HSPA12A: variants seen among roughly 807,000 people sequenced by gnomAD.
HSPA12A encodes heat shock 70 kDa protein 12A.
A neutral mutation model predicts 69.2 loss-of-function variants in HSPA12A; 28 were observed. The observed-to-expected ratio is 0.40, with a 90% CI of 0.30 to 0.55. HSPA12A has a LOEUF of 0.55. Among genes scored for constraint, HSPA12A ranks in the 20% least tolerant of loss-of-function variants. HSPA12A has a pLI of 0.38. For missense variants in HSPA12A, 686 were observed against 900.7 expected (o/e 0.76, Z 3.05); for synonymous variants, 345 against 370.5 (o/e 0.93, Z 0.79).
intron 2 of HSPA12A, among the ~76,000 whole-genome samples, chr10:116,792,341 G>A (rs1006189008): frequency 5.3e-5 from 8 of 151,202 alleles, no homozygotes; most frequent in East Asian, 1.9e-4. Flanking sequence ...CAAAGAGTTC[G>A]GAGTGAGAGG....
chr10:116,801,867 G>A (rs1351486658), intron 2 of HSPA12A, among the ~76,000 whole-genome samples: 2 of 152,118 alleles, frequency 1.3e-5, no homozygotes, highest in African/African-American at 2.4e-5. Flanking sequence ...CCATCTCTGG[G>A]GGACGCTGGG....
intron 2 of HSPA12A, among the ~76,000 whole-genome samples, chr10:116,813,156 G>A (rs1564827938): frequency 6.6e-6 from 1 of 151,890 alleles, no homozygotes; most frequent in Non-Finnish European, 1.5e-5. Context: ...GACGGGGTAA[G>A]CCAAAGGCAG....
chr10:116,699,746 G>A (rs1850025517), intron 4 of HSPA12A, among the ~76,000 whole-genome samples: 1 of 152,098 alleles, frequency 6.6e-6, no homozygotes, highest in Admixed American at 6.5e-5. Context: ...CCATGGCTCT[G>A]AATTGAAAAA....
intron 1 of HSPA12A, among the ~76,000 whole-genome samples, chr10:116,709,975 G>A (rs1850375055): frequency 6.6e-6 from 1 of 152,160 alleles, no homozygotes; most frequent in Non-Finnish European, 1.5e-5. Flanking sequence ...TATTAGCCGT[G>A]GGCGCTAATT....
intron 7 of HSPA12A, among the ~76,000 whole-genome samples, chr10:116,682,248 A>T (rs527564208): frequency 6.6e-6 from 1 of 152,302 alleles, no homozygotes; most frequent in Non-Finnish European, 1.5e-5. Flanking sequence ...ACAGAGCGAG[A>T]CTCTCAAATG....
intron 2 of HSPA12A, among the ~76,000 whole-genome samples, chr10:116,768,884 T>C (rs1554890080): frequency 6.6e-6 from 1 of 152,112 alleles, no homozygotes; most frequent in African/African-American, 2.4e-5. Flanking sequence ...AGGGCCAGCT[T>C]GTTCCTCTGA....
chr10:116,741,203 C>T (rs1280965376), intron 1 of HSPA12A, among the ~76,000 whole-genome samples: 3 of 152,130 alleles, frequency 2.0e-5, no homozygotes, highest in East Asian at 3.9e-4. Context: ...GGAGGCACCT[C>T]CCTGATCCGC....
chr10:116,754,482 T>G (rs1843786354), intron 2 of HSPA12A, among the ~76,000 whole-genome samples: 1 of 152,194 alleles, frequency 6.6e-6, no homozygotes, highest in Non-Finnish European at 1.5e-5. Flanking sequence ...TTCTGGTTTT[T>G]AGAAACTAAG....
chr10:116,707,084 G>A (rs1383718327), intron 2 of HSPA12A, 116 bp downstream of exon 2: 2 of 828,284 alleles, frequency 2.4e-6, no homozygotes, highest in East Asian at 2.8e-5. Flanking sequence ...CCAGCAGCCT[G>A]AACTGTGAGA....
intron 1 of HSPA12A, among the ~76,000 whole-genome samples, chr10:116,708,434 G>A (rs964119027): frequency 9.9e-5 from 15 of 152,186 alleles, no homozygotes; most frequent in East Asian, 1.9e-4. Context: ...CAGGTGGAAT[G>A]GTTCCATCTG....
intron 2 of HSPA12A, among the ~76,000 whole-genome samples, chr10:116,748,517 C>CTATCTTT (rs1851701700): frequency 6.6e-6 from 1 of 152,176 alleles, no homozygotes; most frequent in African/African-American, 2.4e-5. Context: ...CAAATATTGT[C>CTATCTTT]TATCTTTGGG....
At chr10:116,842,499 T>C (rs529344966) in intron 1 of HSPA12A, among the ~76,000 whole-genome samples, 77 of 152,340 alleles carry the variant, frequency 5.1e-4, no homozygotes, top group South Asian at 1.0e-3. Flanking sequence ...GGTATCCTTT[T>C]GCTTTATTAG....
At chr10:116,827,351 C>T (rs1296183300) in intron 2 of HSPA12A, 1 of 152,264 alleles carries the variant, frequency 6.6e-6, no homozygotes, top group Non-Finnish European at 1.5e-5. Flanking sequence ...CTTCTGTCAC[C>T]CATGGAGTTG....
intron 1 of HSPA12A, among the ~76,000 whole-genome samples, chr10:116,835,711 T>G (rs565474693): frequency 1.3e-5 from 2 of 152,344 alleles, no homozygotes; most frequent in South Asian, 4.1e-4. Flanking sequence ...ACACAGTAGA[T>G]GCACAATACA....
At chr10:116,752,768 AAAG>A (rs1193549654) in intron 2 of HSPA12A, among the ~76,000 whole-genome samples, 35 of 152,254 alleles carry the variant, frequency 2.3e-4, no homozygotes, top group Non-Finnish European at 4.7e-4. Context: ...TTCACTTGTA[AAAG>A]AAGATTGACA....
intron 2 of HSPA12A, 24 bp downstream of exon 2, chr10:116,707,175 AC>A: frequency 6.4e-7 from 1 of 1,552,420 alleles, no homozygotes; most frequent in Admixed American, 1.8e-5. Flanking sequence ...ACACACACAC[AC>A]ACACACACAC....
intron 2 of HSPA12A, among the ~76,000 whole-genome samples, chr10:116,826,364 C>A (rs771101058): frequency 2.0e-5 from 3 of 152,178 alleles, no homozygotes; most frequent in Non-Finnish European, 4.4e-5. Flanking sequence ...ATGTGCCTGG[C>A]AGACAAGAGG....
At chr10:116,833,801 CAG>C (rs1433599863) in intron 2 of HSPA12A, among the ~76,000 whole-genome samples, 1 of 152,200 alleles carries the variant, frequency 6.6e-6, no homozygotes, top group Middle Eastern at 3.2e-3. Flanking sequence ...CAGGGCTACA[CAG>C]AGTTTTCTGG....
chr10:116,814,464 C>T (rs1047450692), intron 2 of HSPA12A, among the ~76,000 whole-genome samples: 5 of 152,232 alleles, frequency 3.3e-5, no homozygotes, highest in Non-Finnish European at 7.3e-5. Context: ...GCTACCTACA[C>T]CCACCTGCAC....
Sources: gnomAD v4.1 joint callset for allele counts (sites outside exome capture counted in the v4.1 genomes callset) on GRCh38, gnomAD v4.1.1 for gene constraint, MANE v1.5 for transcripts, NCBI Gene and HGNC (gene_info 2026-07-23, HGNC 2026-07-21) for gene names.